Variants in ADAMTS7 observed in about 807,000 individuals in gnomAD.
The protein encoded by ADAMTS7 is A disintegrin and metalloproteinase with thrombospondin motifs 7.
A neutral mutation model predicts 172.6 loss-of-function variants in ADAMTS7; 89 were observed. That is an observed-to-expected ratio of 0.52 (90% CI 0.43 to 0.61). The LOEUF is 0.61. Among genes scored for constraint, ADAMTS7 ranks in the 20% least tolerant of loss-of-function variants. ADAMTS7 has a pLI of 0.00. For missense variants in ADAMTS7, 1,973 were observed against 2,355.6 expected, an observed-to-expected ratio of 0.84 and a Z score of 3.36; for synonymous variants, 885 against 978.4, an observed-to-expected ratio of 0.90 and a Z score of 1.78.
rs2055108555 is a variant in ADAMTS7, at chr15:78,764,573, G to A, written c.4401C>T (p.His1467=). The A allele has an allele frequency of 6.4e-7, 1 of 1,554,126 alleles. No individual in the cohort carries two copies. Among genetic ancestry groups the A allele is most frequent in the Non-Finnish European group, 8.6e-7 (1 of 1,157,684 alleles). Residue 1467 remains histidine (H), a synonymous_variant, in exon 20 of 24, where the codon CAC becomes CAT. Transcript: ENST00000388820. ...RCHLRPCATW[H]SGNWSKCSRS... ...CACGCACCTTACTCCAGTTGCCTGA[G>A]TGCCAGGTGGCACAGGGCCGCAGGT...
intron 8 of ADAMTS7, among the ~76,000 whole-genome samples, chr15:78,781,371 T>C (rs2055426025): frequency 6.6e-6 from 1 of 152,164 alleles, no homozygotes; most frequent in Admixed American, 6.5e-5. Context: ...GGGAGGGCCC[T>C]GCTGCCTGAC....
At chr15:78,795,964 G>T (rs961534178) in intron 4 of ADAMTS7, among the ~76,000 whole-genome samples, 36 of 152,106 alleles carry the variant, frequency 2.4e-4, no homozygotes, top group African/African-American at 8.0e-4. Flanking sequence ...CAAGTTACTC[G>T]CCCTCTGAAG....
chr15:78,802,387 C>T (rs1304141875), intron 1 of ADAMTS7, among the ~76,000 whole-genome samples: 4 of 152,186 alleles, frequency 2.6e-5, no homozygotes, highest in South Asian at 2.1e-4. Context: ...CTCTCAGATG[C>T]GTGAGCATTC....
chr15:78,777,498 G>A lies in ADAMTS7; in HGVS notation c.1413C>T (p.Ser471=), dbSNP rs1312788065. 1.2e-6 allele frequency: 2 copies of A among 1,612,636 alleles called. No homozygotes were observed. Among genetic ancestry groups the A allele is most frequent in the Non-Finnish European group, 1.7e-6 (2 of 1,179,516 alleles). The change falls in exon 9 of 24, where the codon AGC becomes AGT. Residue 471 remains serine (S), a synonymous_variant. Transcript: ENST00000388820. ...CCCCGTACTGGAGGCGGCACTGGTG[G>A]CTTACATCATAGAGGACGCCAGGTG... ...SVPPGVLYDV[S]HQCRLQYGAY...
rs1296756232 is a variant in ADAMTS7 at position 78,791,331 on chromosome 15, C to T, written c.820-108G>A. On this transcript the variant is annotated intron_variant, in intron 4 of 23. Transcript: ENST00000388820. Reference sequence around the variant, plus strand: ...GCAGGGCAACGCACACCTGTGCTCACACACAGGGACTCTCACACTGGTGCA... The same window carrying T: ...GCAGGGCAACGCACACCTGTGCTCATACACAGGGACTCTCACACTGGTGCA... 4 of 822,554 alleles carry T rather than the reference C, an allele frequency of 4.9e-6. No individual in the cohort carries two copies. The African/African-American group carries it at 5.2e-5, about 11-fold the overall frequency. The allele number at this position is 822,554 out of a possible 1,614,324, so 51.0% of individuals were successfully genotyped here. A position where few individuals can be genotyped will look rare whatever the true frequency, so the allele number is the denominator to read the frequency against.
intron 19 of ADAMTS7, among the ~76,000 whole-genome samples, chr15:78,765,418 G>A (rs186864172): frequency 1.3e-5 from 2 of 152,264 alleles, no homozygotes; most frequent in Admixed American, 6.5e-5. Flanking sequence ...GCTCCATTCT[G>A]GGGTGTGCTG....
At chr15:78,807,320 AT>A (rs1341411207) in intron 1 of ADAMTS7, among the ~76,000 whole-genome samples, 1 of 152,232 alleles carries the variant, frequency 6.6e-6, no homozygotes, top group African/African-American at 2.4e-5. Context: ...CTTAAAAAAA[AT>A]AAAGTATCTC....
At chr15:78,764,515 A>G (rs1596171443) in intron 20 of ADAMTS7, 40 bp downstream of exon 20, 3 of 1,522,592 alleles carry the variant, frequency 2.0e-6, no homozygotes, top group Non-Finnish European at 1.8e-6. Context: ...GCTCCACCCC[A>G]TGCCCTGGGA....
chr15:78,790,922 G>C (rs1353698188), intron 5 of ADAMTS7, 128 bp from the exon 6 acceptor site: 2 of 1,439,780 alleles, frequency 1.4e-6, no homozygotes, highest in Non-Finnish European at 1.9e-6. Context: ...GGCACCAGTC[G>C]AGCTTCCAGC....
At chr15:78,761,907 C>T (rs771869423) in intron 23 of ADAMTS7, 15 of 985,274 alleles carry the variant, frequency 1.5e-5, no homozygotes, top group Middle Eastern at 1.0e-3. Context: ...CTGCCTCAAA[C>T]CCCATTACCT....
chr15:78,772,943 C>G, intron 14 of ADAMTS7, 140 bp downstream of exon 14: 3 of 1,148,276 alleles, frequency 2.6e-6, no homozygotes, highest in Non-Finnish European at 3.7e-6. Flanking sequence ...CTGCAAGAAT[C>G]CACCCCAGCA....
intron 10 of ADAMTS7, 185 bp from the exon 11 acceptor site, chr15:78,776,518 G>T: frequency 1.1e-6 from 1 of 933,606 alleles, no homozygotes. Flanking sequence ...AGCTGAGCGG[G>T]GAGTAAAACA....
chr15:78,781,040 C>T lies in ADAMTS7; in HGVS notation c.1323-3452G>A, dbSNP rs1686406431. Among the ~76,000 whole-genome samples the T allele has an allele frequency of 3.3e-5, 5 of 152,166 alleles. No homozygotes were observed. In the South Asian group the frequency reaches 1.0e-3, roughly 31 times the overall value. On this transcript the variant is annotated intron_variant, in intron 8 of 23. Transcript: ENST00000388820. ...ATGGAGTCTGTGGACACAGCAAGAA[C>T]GAGTTTGGATTCAGCCCTGTGGGTC...
At chr15:78,787,886 C>G (rs2055525569) in intron 8 of ADAMTS7, among the ~76,000 whole-genome samples, 1 of 152,164 alleles carries the variant, frequency 6.6e-6, no homozygotes, top group African/African-American at 2.4e-5. Flanking sequence ...TCTCCCGCTC[C>G]TTTACCGCTA....
At chr15:78,787,450 G>A (rs941106503) in intron 8 of ADAMTS7, among the ~76,000 whole-genome samples, 11 of 151,696 alleles carry the variant, frequency 7.3e-5, no homozygotes, top group Admixed American at 2.0e-4. Context: ...GATCACCTGA[G>A]GTCACGAGTT....
chr15:78,811,331 C>A lies in ADAMTS7; in HGVS notation c.-111G>T. ...CAGGACATGCCCGGCCGGCGTGCAG[C>A]TCCCGGCGACCCGGCCCCGACTCCG... On this transcript the variant is annotated 5_prime_UTR_variant, in exon 1 of 24. Coordinates refer to ENST00000388820, the MANE Select transcript of ADAMTS7 (RefSeq NM_014272.5). 1 of 1,186,448 alleles carries A rather than the reference C, an allele frequency of 8.4e-7. No homozygotes were observed. Among genetic ancestry groups the A allele is most frequent in the Non-Finnish European group, 1.1e-6 (1 of 951,808 alleles). 73.5% of individuals were successfully genotyped at this position (1,186,448 alleles called of 1,614,324 possible).
chr15:78,804,409 C>T (rs745440124), intron 1 of ADAMTS7, among the ~76,000 whole-genome samples: 12 of 152,240 alleles, frequency 7.9e-5, no homozygotes, highest in East Asian at 1.9e-4. Flanking sequence ...CTTGGCAATC[C>T]GGAGTTTCTC....
Position 78,777,510 on chromosome 15 carries a change from G to A in ADAMTS7, c.1401C>T (p.Leu467=), listed in dbSNP as rs2055366457. The stretch of plus-strand genomic sequence containing the variant: ...GGCGGCACTGGTGGCTTACATCATA[G>A]AGGACGCCAGGTGGCACCGAGGGGA... ...IDFPSVPPGV[L]YDVSHQCRLQ... is the part of the protein sequence containing the mutation. Residue 467 remains leucine, a synonymous_variant, in exon 9 of 24, where the codon CTC becomes CTT. Coordinates refer to ENST00000388820, the MANE Select transcript of ADAMTS7 (RefSeq NM_014272.5). The A allele has an allele frequency of 3.1e-6, 5 of 1,611,996 alleles. No homozygotes were observed. Among genetic ancestry groups the A allele is most frequent in the African/African-American group, 1.3e-5 (1 of 74,926 alleles).
Position 78,790,744 on chromosome 15 carries a change from G to A in ADAMTS7, c.954C>T (p.Cys318=), listed in dbSNP as rs1375219121. 3 of 1,614,044 alleles carry A rather than the reference G, an allele frequency of 1.9e-6. No individual in the cohort carries two copies. The highest frequency in any genetic ancestry group is 2.2e-5 in the East Asian group (1 of 44,880). The change falls in exon 6 of 24, where the codon TGC becomes TGT. Residue 318 remains cysteine (C), a synonymous_variant. Coordinates refer to ENST00000388820, the MANE Select transcript of ADAMTS7 (RefSeq NM_014272.5). ...TCATGTTGATGCTTTTCTGCCACTTGCAGAAGCTCTTCAGGGTGTTGTCTG... is the reference window on the plus strand; with the variant it reads ...TCATGTTGATGCTTTTCTGCCACTTACAGAAGCTCTTCAGGGTGTTGTCTG... ...HHADNTLKSF[C]KWQKSINMKG...
Sources: allele counts gnomAD v4.1 joint callset (sites outside exome capture counted in the v4.1 genomes callset), GRCh38; gene constraint gnomAD v4.1.1; transcripts MANE v1.5; gene names NCBI Gene and HGNC (gene_info 2026-07-23, HGNC 2026-07-21).